SOX5: variants seen among roughly 807,000 people sequenced by gnomAD.
SOX5 encodes SRY-box transcription factor 5.
SOX5 carries 9 observed loss-of-function variants against 92.0 expected under a neutral mutation model. The observed-to-expected ratio is 0.10, with a 90% CI of 0.06 to 0.17. SOX5 has a LOEUF of 0.17. Ranked by LOEUF, SOX5 falls within the 10% of genes least tolerant of loss-of-function variation. SOX5 has a pLI of 1.00. For synonymous variants in SOX5, 344 were observed against 336.3 expected, an observed-to-expected ratio of 1.02 and a Z score of -0.25; for missense variants, 642 against 944.5, an observed-to-expected ratio of 0.68 and a Z score of 4.20.
chr12:23,795,027 A>G (rs1426308636), intron 3 of SOX5, among the ~76,000 whole-genome samples: 1 of 152,164 alleles, frequency 6.6e-6, no homozygotes, highest in African/African-American at 2.4e-5. Context: ...AATAACATCC[A>G]GTGGCTACGG....
intron 3 of SOX5, among the ~76,000 whole-genome samples, chr12:23,797,814 A>G (rs1463746816): frequency 6.6e-6 from 1 of 152,046 alleles, no homozygotes; most frequent in Non-Finnish European, 1.5e-5. Context: ...ATACTGTACA[A>G]TGTAGCCTCT....
intron 4 of SOX5, among the ~76,000 whole-genome samples, chr12:24,164,002 A>G (rs958130008): frequency 2.0e-5 from 3 of 152,160 alleles, no homozygotes; most frequent in Non-Finnish European, 4.4e-5. Context: ...ATAGTATAGT[A>G]TATGATACAG....
chr12:23,991,194 A>G (rs1349819198), intron 4 of SOX5, among the ~76,000 whole-genome samples: 1 of 151,162 alleles, frequency 6.6e-6, no homozygotes, highest in Non-Finnish European at 1.5e-5. Flanking sequence ...TCTCTGCAAA[A>G]AAAAAAAAAA....
At chr12:23,707,860 T>C (rs2091595053) in intron 6 of SOX5, among the ~76,000 whole-genome samples, 1 of 152,130 alleles carries the variant, frequency 6.6e-6, no homozygotes, top group African/African-American at 2.4e-5. Context: ...AGACTCCTGA[T>C]TTGATTAAAA....
chr12:24,448,448 A>G (rs933545340), intron 1 of SOX5, among the ~76,000 whole-genome samples: 1 of 152,202 alleles, frequency 6.6e-6, no homozygotes, highest in Non-Finnish European at 1.5e-5. Context: ...GGCAACAATA[A>G]GCCCTGGCAA....
At chr12:24,329,581 T>C (rs532121170) in intron 2 of SOX5, among the ~76,000 whole-genome samples, 3 of 152,202 alleles carry the variant, frequency 2.0e-5, no homozygotes, top group African/African-American at 7.2e-5. Context: ...AAATTAAAAA[T>C]GATTATGGTT....
upstream of SOX5, among the ~76,000 whole-genome samples, chr12:23,954,926 T>C (rs370256398): frequency 1.6e-4 from 24 of 152,214 alleles, no homozygotes; most frequent in East Asian, 4.1e-3. Context: ...TCAGAATAAC[T>C]TGAAATAATT....
chr12:24,194,119 A>C (rs983883385), intron 4 of SOX5, among the ~76,000 whole-genome samples: 1 of 152,188 alleles, frequency 6.6e-6, no homozygotes, highest in Non-Finnish European at 1.5e-5. Context: ...AATAAAAGGA[A>C]CTTTAAGTGA....
intron 4 of SOX5, among the ~76,000 whole-genome samples, chr12:24,106,454 T>A (rs1264571132): frequency 1.3e-5 from 2 of 152,280 alleles, no homozygotes; most frequent in East Asian, 3.9e-4. Context: ...ATGTGAAATG[T>A]ATCTTCTAAG....
chr12:23,775,848 T>C (rs2095080289), intron 3 of SOX5, among the ~76,000 whole-genome samples: 1 of 152,164 alleles, frequency 6.6e-6, no homozygotes, highest in Admixed American at 6.5e-5. Context: ...TATTTCACTT[T>C]TTGAGAAAGG....
At chr12:24,302,991 C>G (rs1284500021) in intron 2 of SOX5, among the ~76,000 whole-genome samples, 2 of 151,700 alleles carry the variant, frequency 1.3e-5, no homozygotes, top group Non-Finnish European at 2.9e-5. Context: ...AAAAATTGCA[C>G]CAAATTTAAA....
intron 4 of SOX5, among the ~76,000 whole-genome samples, chr12:24,181,233 C>A (rs1447173338): frequency 6.6e-6 from 1 of 152,180 alleles, no homozygotes; most frequent in Non-Finnish European, 1.5e-5. Flanking sequence ...CCTGGCTCCC[C>A]ATTGGGGTCT....
At chr12:24,131,688 T>C (rs955195313) in intron 4 of SOX5, among the ~76,000 whole-genome samples, 3 of 152,198 alleles carry the variant, frequency 2.0e-5, no homozygotes, top group Non-Finnish European at 4.4e-5. Context: ...GCAGCTGCTG[T>C]TATTTATACT....
intron 1 of SOX5, among the ~76,000 whole-genome samples, chr12:24,387,059 T>G (rs1007608398): frequency 3.9e-5 from 6 of 152,222 alleles, no homozygotes; most frequent in Admixed American, 1.3e-4. Context: ...ATGATTATAC[T>G]GGTATATATT....
rs376446413 is a variant in SOX5 at position 23,631,982 on chromosome 12, C to T, written c.1017+8830G>A. Among the ~76,000 whole-genome samples, 10 of 152,112 alleles carry T rather than the reference C, an allele frequency of 6.6e-5. No homozygotes were observed. In the East Asian group the frequency reaches 7.7e-4, roughly 12 times the overall value. On this transcript the variant is annotated intron_variant, in intron 8 of 14. Coordinates refer to ENST00000451604, the MANE Select transcript of SOX5 (RefSeq NM_006940.6). ...AGGGGATTCTCGACAAACTGCTGGG[C>T]TCTGACTCTAGCCCATATGGGCTTG...
intron 1 of SOX5, among the ~76,000 whole-genome samples, chr12:24,557,572 T>G (rs1187227020): frequency 6.6e-6 from 1 of 152,104 alleles, no homozygotes; most frequent in African/African-American, 2.4e-5. Flanking sequence ...TTCCAACAGT[T>G]TAATTGGTGT....
intron 2 of SOX5, among the ~76,000 whole-genome samples, chr12:24,331,873 A>AAAAAAAAAAAAAAAAAT (rs777785887): frequency 7.1e-6 from 1 of 141,200 alleles, no homozygotes. Context: ...AAAAAAAAAA[A>AAAAAAAAAAAAAAAAAT]AAGGAAAGAA....
rs190373792 is a variant in SOX5 at position 24,209,702 on chromosome 12, A to G, written c.-2+3641T>C. 2.2e-4 allele frequency among the ~76,000 whole-genome samples: 34 copies of G among 152,320 alleles called. No homozygotes were observed. In the East Asian group the frequency reaches 4.8e-3, roughly 22 times the overall value. Reference sequence around the variant, plus strand: ...TTAAATATTTATTTTGATTCTTCACATGATAGAAATGACACTTTTAGAAAT... The same window carrying G: ...TTAAATATTTATTTTGATTCTTCACGTGATAGAAATGACACTTTTAGAAAT... On this transcript the variant is annotated intron_variant, in intron 4 of 4. Coordinates refer to the SOX5 transcript ENST00000446891.
At chr12:23,735,525 T>C (rs1250002528) in intron 5 of SOX5, among the ~76,000 whole-genome samples, 4 of 152,212 alleles carry the variant, frequency 2.6e-5, no homozygotes, top group African/African-American at 9.6e-5. Flanking sequence ...TTTCCAGCCA[T>C]TAAATGTTGT....
Sources: gnomAD v4.1 joint callset for allele counts (sites outside exome capture counted in the v4.1 genomes callset) on GRCh38, gnomAD v4.1.1 for gene constraint, MANE v1.5 for transcripts, NCBI Gene and HGNC (gene_info 2026-07-23, HGNC 2026-07-21) for gene names.